Variants in TEX11 observed in about 807,000 individuals in gnomAD.
The protein encoded by TEX11 is testis-expressed protein 11.
Under a neutral mutation model 84.4 loss-of-function variants are expected in TEX11, and 7 were observed. The observed-to-expected ratio is 0.08, with a 90% CI of 0.05 to 0.16. The LOEUF (loss-of-function observed/expected upper bound fraction) is 0.16. Among genes scored for constraint, TEX11 ranks in the 10% least tolerant of loss-of-function variants. TEX11 has a pLI of 1.00. For synonymous variants in TEX11, 264 were observed against 222.8 expected, an observed-to-expected ratio of 1.18 and a Z score of -1.64; for missense variants, 551 against 660.5, an observed-to-expected ratio of 0.83 and a Z score of 1.82.
chrX:70,740,754 C>G lies in TEX11; in HGVS notation c.790G>C (p.Asp264His). The part of the protein sequence containing the change: ...RLLATNYLDW[D>H]DTKYYDKALN... ...GCCTTATCATAATATTTGGTGTCAT[C>G]CCAATCCAAATAATTCGTGGCTAAT... The change falls in exon 11 of 30, where the codon GAT (aspartate) becomes CAT (histidine). Residue 264 changes from aspartate (D) to histidine (H), a missense_variant. Coordinates refer to ENST00000374333, the MANE Select transcript of TEX11 (RefSeq NM_031276.3). The G allele has an allele frequency of 2.5e-6, 3 of 1,198,506 alleles. No individual in the cohort carries two copies. Among genetic ancestry groups the G allele is most frequent in the Non-Finnish European group, 3.4e-6 (3 of 888,203 alleles).
chrX:70,808,595 A>G (rs897866419), intron 8 of TEX11, among the ~76,000 whole-genome samples: 2 of 109,194 alleles, frequency 1.8e-5, no homozygotes, highest in African/African-American at 6.6e-5. Context: ...CAAAGGATAA[A>G]TGCCTGAAGG....
At chrX:70,665,581 T>A (rs2147629121) in intron 16 of TEX11, among the ~76,000 whole-genome samples, 1 of 112,029 alleles carries the variant, frequency 8.9e-6, no homozygotes, top group South Asian at 3.7e-4. Context: ...TAAAAAATTT[T>A]TATTTATACA....
chrX:70,589,419 A>C (rs1045017334), intron 25 of TEX11, among the ~76,000 whole-genome samples: 1 of 105,702 alleles, frequency 9.5e-6, no homozygotes, highest in Non-Finnish European at 2.0e-5. Context: ...ATTTATCTCT[A>C]TCTCACTATA....
chrX:70,570,697 AT>A (rs2088583115), intron 25 of TEX11, among the ~76,000 whole-genome samples: 1 of 111,449 alleles, frequency 9.0e-6, no homozygotes, highest in East Asian at 2.8e-4. Context: ...TACTCAGATT[AT>A]TTTTGGGGGC....
At chrX:70,621,551 A>T (rs12559529) in intron 20 of TEX11, among the ~76,000 whole-genome samples, 285 of 7,585 alleles carry the variant, frequency 0.038, 3 homozygotes, top group Non-Finnish European at 0.05. Flanking sequence ...AAAAAAAAAA[A>T]ATATATATAT....
At chrX:70,733,868 G>A (rs749544938) in intron 11 of TEX11, among the ~76,000 whole-genome samples, 10 of 111,278 alleles carry the variant, frequency 9.0e-5, no homozygotes, top group Middle Eastern at 9.2e-3. Flanking sequence ...TGTTTATTGC[G>A]GCACTATTCA....
chrX:70,808,091 G>C (rs1458516979), intron 8 of TEX11, among the ~76,000 whole-genome samples: 1 of 66,589 alleles, frequency 1.5e-5, no homozygotes, highest in Non-Finnish European at 2.5e-5. Flanking sequence ...CTGGATGACA[G>C]AGTGAGACTC....
intron 7 of TEX11, among the ~76,000 whole-genome samples, chrX:70,848,384 C>T (rs2091490302): frequency 9.0e-6 from 1 of 111,512 alleles, no homozygotes; most frequent in African/African-American, 3.3e-5. Flanking sequence ...TATTCTGTGC[C>T]CTCTTCCCCA....
At chrX:70,864,081 A>G (rs1272447272) in intron 4 of TEX11, among the ~76,000 whole-genome samples, 1 of 111,875 alleles carries the variant, frequency 8.9e-6, no homozygotes, top group Non-Finnish European at 1.9e-5. Flanking sequence ...ATATGGGACT[A>G]TGTGAAAAGA....
At chrX:70,649,112 T>G (rs2089782224) in intron 17 of TEX11, among the ~76,000 whole-genome samples, 1 of 112,305 alleles carries the variant, frequency 8.9e-6, no homozygotes, top group Admixed American at 9.4e-5. Context: ...TTATCCAGTC[T>G]GCCATTGATG....
At chrX:70,584,636 T>TA (rs1025083729) in intron 25 of TEX11, among the ~76,000 whole-genome samples, 1 of 111,436 alleles carries the variant, frequency 9.0e-6, no homozygotes, top group Non-Finnish European at 1.9e-5. Context: ...GGATATCAAT[T>TA]AAAAAAACCC....
chrX:70,615,404 CAG>C (rs1206072913), intron 20 of TEX11, among the ~76,000 whole-genome samples: 1 of 111,550 alleles, frequency 9.0e-6, no homozygotes, highest in Non-Finnish European at 1.9e-5. Context: ...AAGAATATAT[CAG>C]AGTTTCTAAA....
At chrX:70,761,394 A>C (rs1251857165) in intron 9 of TEX11, among the ~76,000 whole-genome samples, 1 of 112,175 alleles carries the variant, frequency 8.9e-6, no homozygotes, top group Non-Finnish European at 1.9e-5. Flanking sequence ...GATTAAGAAA[A>C]TGTGGCACAT....
intron 11 of TEX11, among the ~76,000 whole-genome samples, chrX:70,726,207 C>A (rs144551726): frequency 1.8e-5 from 2 of 112,065 alleles, no homozygotes; most frequent in Non-Finnish European, 3.8e-5. Context: ...ATCTTGGCAA[C>A]ATCTGTTTTC....
rs538207008 is a variant in TEX11 at position 70,805,383 on chromosome X, T to C, written c.692+1322A>G. On this transcript the variant is annotated intron_variant, in intron 9 of 29. Transcript: ENST00000374333. ...TTTAGTGAATTGATTTGATATATTT[T>C]ACTCCATGATCCATTTTTTTTTCTT... is the stretch of plus-strand genomic sequence containing the variant. Among the ~76,000 whole-genome samples the C allele has an allele frequency of 2.3e-4, 25 of 110,760 alleles. No individual in the cohort carries two copies. In the South Asian group the frequency reaches 7.3e-3, roughly 32 times the overall value.
intron 9 of TEX11, among the ~76,000 whole-genome samples, chrX:70,805,714 C>T (rs2091215401): frequency 9.0e-6 from 1 of 111,167 alleles, no homozygotes. Context: ...TCCATAATCT[C>T]CTGATATTCA....
downstream of TEX11, among the ~76,000 whole-genome samples, chrX:70,527,268 A>C (rs1206264691): frequency 1.8e-5 from 2 of 112,147 alleles, no homozygotes; most frequent in Non-Finnish European, 3.8e-5. Context: ...TAAGTACAAA[A>C]TATTTAGCTA....
intron 16 of TEX11, among the ~76,000 whole-genome samples, chrX:70,656,113 G>A (rs867182846): frequency 9.9e-6 from 1 of 101,381 alleles, no homozygotes; most frequent in Non-Finnish European, 2.0e-5. Flanking sequence ...AGGTAGCTGT[G>A]TATATATATA....
In TEX11 at chrX:70,552,143, T is replaced by C. The variant is rs2088223436; in HGVS notation, c.2503A>G (p.Ser835Gly). 8.3e-7 allele frequency: 1 copy of C among 1,209,305 alleles called. No homozygotes were observed. The highest frequency in any genetic ancestry group is 1.1e-6 in the Non-Finnish European group (1 of 894,978). Residue 835 changes from serine (S) to glycine (G), a missense_variant, in exon 28 of 30, where the codon AGC becomes GGC. By Grantham distance (56) the Ser-to-Gly change is moderately conservative (BLOSUM62 0). Coordinates refer to ENST00000374333, the MANE Select transcript of TEX11 (RefSeq NM_031276.3). Reference protein sequence around the residue: ...EVWGYFEDALSHISRTKDYPE... With the variant: ...EVWGYFEDALGHISRTKDYPE... ...TGACTTACAGTGCGGCTAATGTGGC[T>C]CAGAGCATCTTCAAAATAGCCCCAA...
Sources: gnomAD v4.1 joint callset for allele counts (sites outside exome capture counted in the v4.1 genomes callset) on GRCh38, gnomAD v4.1.1 for gene constraint, MANE v1.5 for transcripts, NCBI Gene and HGNC (gene_info 2026-07-23, HGNC 2026-07-21) for gene names.